Variants in GSE1 observed in about 807,000 individuals in gnomAD.
The protein encoded by GSE1 is genetic suppressor element 1.
A neutral mutation model predicts 112.6 loss-of-function variants in GSE1; 32 were observed. The observed-to-expected ratio is 0.28, with a 90% CI of 0.21 to 0.38. The LOEUF (loss-of-function observed/expected upper bound fraction) is 0.38, where lower values mean the gene tolerates loss of function less well. GSE1 is among the 10% of genes least tolerant of loss of function. The pLI is 1.00. For synonymous variants in GSE1, 1,115 were observed against 735.6 expected, an observed-to-expected ratio of 1.52 and a Z score of -8.35; for missense variants, 2,348 against 1,699.2, an observed-to-expected ratio of 1.38 and a Z score of -6.71.
At chr16:85,526,570 G>C (rs116487237) in intron 2 of GSE1, among the ~76,000 whole-genome samples, 2,075 of 152,370 alleles carry the variant, frequency 0.014, 46 homozygotes, top group African/African-American at 0.048. Flanking sequence ...AAGGGACACA[G>C]CACAGACAGG....
chr16:85,494,555 C>T (rs2051109666), intron 2 of GSE1, among the ~76,000 whole-genome samples: 1 of 152,018 alleles, frequency 6.6e-6, no homozygotes, highest in South Asian at 2.1e-4. Context: ...AGGCATGCCC[C>T]ACCACGCCCA....
chr16:85,446,212 T>G (rs938885352), intron 2 of GSE1, among the ~76,000 whole-genome samples: 1 of 152,134 alleles, frequency 6.6e-6, no homozygotes, highest in Admixed American at 6.5e-5. Flanking sequence ...GACCTGTATT[T>G]CCCAGGACAA....
chr16:85,554,384 A>C (rs1448379853), upstream of GSE1, among the ~76,000 whole-genome samples: 2 of 152,088 alleles, frequency 1.3e-5, no homozygotes, highest in Non-Finnish European at 2.9e-5. Flanking sequence ...TCTTAAACCA[A>C]ATTAGCCGGG....
chr16:85,620,200 C>G (rs1232660443), intron 1 of GSE1, among the ~76,000 whole-genome samples: 1 of 152,150 alleles, frequency 6.6e-6, no homozygotes, highest in East Asian at 1.9e-4. Context: ...CAGGGAGGAT[C>G]ACTTGAGCCC....
rs1298349832 is a variant in GSE1, at chr16:85,311,007, A to T, written c.2284-46456A>T. Among the ~76,000 whole-genome samples the T allele has an allele frequency of 6.6e-6, 1 of 152,204 alleles. No individual in the cohort carries two copies. Among genetic ancestry groups the T allele is most frequent in the East Asian group, 1.9e-4 (1 of 5,186 alleles). The stretch of plus-strand genomic sequence containing the variant: ...GGCAGGCAGGAGCAGTTTGAGGCTA[A>T]ATATAAACCCAGCCGCCTTTCCGCG... On this transcript the variant is annotated intron_variant, in intron 1 of 2. Coordinates refer to the GSE1 transcript ENST00000637419. The surrounding 1 kb of genome is among the most constrained non-coding windows in gnomAD (Gnocchi z 4.2).
At chr16:85,514,063 G>C (rs1455639907) in intron 2 of GSE1, among the ~76,000 whole-genome samples, 1 of 152,108 alleles carries the variant, frequency 6.6e-6, no homozygotes, top group Non-Finnish European at 1.5e-5. Flanking sequence ...CCAGGCTGAA[G>C]AAAGAGGGAG....
chr16:85,506,988 G>T (rs1229894851), intron 2 of GSE1, among the ~76,000 whole-genome samples: 1 of 152,194 alleles, frequency 6.6e-6, no homozygotes, highest in Non-Finnish European at 1.5e-5. Context: ...GGAGTCCGTA[G>T]CCTTGGTGGC....
intron 1 of GSE1, chr16:85,556,392 C>A: frequency 1.0e-6 from 1 of 977,218 alleles, no homozygotes; most frequent in South Asian, 4.7e-5. Context: ...TCCCTGGGTC[C>A]CGCGCGGCGC....
chr16:85,304,283 C>T (rs2045605620), intron 1 of GSE1, among the ~76,000 whole-genome samples: 1 of 152,198 alleles, frequency 6.6e-6, no homozygotes, highest in Non-Finnish European at 1.5e-5. Flanking sequence ...GGGAGTAGAC[C>T]CCTGGCATGG....
At chr16:85,304,456 C>T (rs1000336137) in intron 1 of GSE1, among the ~76,000 whole-genome samples, 6 of 152,218 alleles carry the variant, frequency 3.9e-5, no homozygotes, top group Admixed American at 6.5e-5. Context: ...CAGGGTAGCC[C>T]GCCCGCCAGG....
chr16:85,576,417 A>C (rs147686829), intron 1 of GSE1, among the ~76,000 whole-genome samples: 5 of 152,304 alleles, frequency 3.3e-5, no homozygotes, highest in Admixed American at 1.3e-4. Flanking sequence ...TGAAAAGCGA[A>C]GGGAAGCCAA....
intron 2 of GSE1, among the ~76,000 whole-genome samples, chr16:85,434,677 G>A (rs953538414): frequency 1.9e-4 from 29 of 152,274 alleles, no homozygotes; most frequent in African/African-American, 6.7e-4. Context: ...AATTAGCCAG[G>A]CATGGTGGCA....
intron 1 of GSE1, among the ~76,000 whole-genome samples, chr16:85,352,396 C>G (rs1277522940): frequency 6.6e-6 from 1 of 152,170 alleles, no homozygotes; most frequent in Non-Finnish European, 1.5e-5. Context: ...TGGCATTTTC[C>G]CAGCCTGGCC....
chr16:85,484,607 A>G (rs977181046), intron 2 of GSE1, among the ~76,000 whole-genome samples: 9 of 152,226 alleles, frequency 5.9e-5, no homozygotes, highest in African/African-American at 2.2e-4. Context: ...TTTTCTGCAC[A>G]GCAGCTTACG....
At chr16:85,513,290 C>T (rs910436827) in intron 2 of GSE1, among the ~76,000 whole-genome samples, 3 of 152,140 alleles carry the variant, frequency 2.0e-5, no homozygotes, top group Non-Finnish European at 2.9e-5. Flanking sequence ...GGAGCATGAA[C>T]CCGGACTCTA....
chr16:85,554,407 A>G (rs998422369), upstream of GSE1, among the ~76,000 whole-genome samples: 1 of 152,070 alleles, frequency 6.6e-6, no homozygotes, highest in African/African-American at 2.4e-5. Context: ...TTTCGTTACT[A>G]TGGTGCAGCC....
intron 1 of GSE1, among the ~76,000 whole-genome samples, chr16:85,565,533 C>T (rs1267267955): frequency 6.6e-6 from 1 of 152,228 alleles, no homozygotes; most frequent in African/African-American, 2.4e-5. Flanking sequence ...GCAGTGCCCA[C>T]ACCGGCGAGG....
chr16:85,316,541 G>C (rs570686894), intron 1 of GSE1, among the ~76,000 whole-genome samples: 27 of 152,306 alleles, frequency 1.8e-4, no homozygotes, highest in Non-Finnish European at 2.2e-4. Flanking sequence ...TCTCCCACTG[G>C]GGGAGGAGTC....
chr16:85,463,620 G>C (rs2050039163), intron 2 of GSE1, among the ~76,000 whole-genome samples: 1 of 152,136 alleles, frequency 6.6e-6, no homozygotes, highest in Admixed American at 6.5e-5. Context: ...TGGGTTGTGG[G>C]ACTGGAACTC....
Sources: allele counts gnomAD v4.1 joint callset (sites outside exome capture counted in the v4.1 genomes callset), GRCh38; gene constraint gnomAD v4.1.1; non-coding constraint Gnocchi (gnomAD v3.1); transcripts MANE v1.5; gene names NCBI Gene and HGNC (gene_info 2026-07-23, HGNC 2026-07-21).